The following ARCN1 variants were observed in gnomAD, a reference collection of about 807,000 sequenced individuals.
The protein encoded by ARCN1 is archain 1 coat protein complex I subunit delta.
Under a neutral mutation model 60.4 loss-of-function variants are expected in ARCN1, and 5 were observed. The observed-to-expected ratio is 0.08, with a 90% CI of 0.04 to 0.17. The LOEUF (loss-of-function observed/expected upper bound fraction) is 0.17, where lower values mean the gene tolerates loss of function less well. ARCN1 is among the 10% of genes least tolerant of loss of function. The pLI, the probability that ARCN1 is intolerant of heterozygous loss-of-function variation, is 1.00. For missense variants in ARCN1, 464 were observed against 626.5 expected (o/e 0.74, Z 2.77); for synonymous variants, 224 against 220.0 (o/e 1.02, Z -0.16).
At chr11:118,577,575 T>G (rs1275034424) in intron 1 of ARCN1, among the ~76,000 whole-genome samples, 1 of 152,186 alleles carries the variant, frequency 6.6e-6, no homozygotes, top group Non-Finnish European at 1.5e-5. Context: ...AAGTCATCCC[T>G]GACTGTACCA....
Position 118,600,741 on chromosome 11 carries a change from A to C in ARCN1, c.*27A>C. On this transcript the variant is annotated 3_prime_UTR_variant, in exon 10 of 10. Transcript: ENST00000264028. Reference sequence around the variant, plus strand: ...ACCAAGAAGAGGGAGCTGAAAAGGAAAATTTTCAGATTAATAAAGAAGACG... The same window carrying C: ...ACCAAGAAGAGGGAGCTGAAAAGGACAATTTTCAGATTAATAAAGAAGACG... The C allele has an allele frequency of 6.7e-7, 1 of 1,489,888 alleles. No individual in the cohort carries two copies. Among genetic ancestry groups the C allele is most frequent in the Non-Finnish European group, 9.2e-7 (1 of 1,084,496 alleles). The allele number at this position is 1,489,888 out of a possible 1,614,324, so 92.3% of individuals were successfully genotyped here.
At chr11:118,593,827 AG>A (rs1938966346) in intron 8 of ARCN1, 129 bp downstream of exon 8, 3 of 553,130 alleles carry the variant, frequency 5.4e-6, no homozygotes. Context: ...TAGTTGTGAA[AG>A]AAGCCAGATA....
At chr11:118,588,834 A>G (rs1490250732) in intron 5 of ARCN1, among the ~76,000 whole-genome samples, 2 of 152,218 alleles carry the variant, frequency 1.3e-5, no homozygotes, top group Non-Finnish European at 2.9e-5. Context: ...CCTGGCCAGC[A>G]TGGTAAAACT....
intron 5 of ARCN1, among the ~76,000 whole-genome samples, chr11:118,587,821 T>A (rs1338002285): frequency 3.3e-5 from 5 of 152,202 alleles, no homozygotes; most frequent in Non-Finnish European, 5.9e-5. Context: ...TGACCTCAAG[T>A]TTGGCCTCCC....
chr11:118,590,611 A>G (rs1591388568), intron 6 of ARCN1, 105 bp downstream of exon 6: 4 of 1,194,392 alleles, frequency 3.3e-6, no homozygotes, highest in East Asian at 4.8e-5. Flanking sequence ...CTTAAGTTAT[A>G]TAACTAGCAT....
At chr11:118,577,108 G>A (rs1938534141) in intron 1 of ARCN1, among the ~76,000 whole-genome samples, 1 of 152,126 alleles carries the variant, frequency 6.6e-6, no homozygotes, top group African/African-American at 2.4e-5. Context: ...AATCACCTGA[G>A]CCCAGAAGGT....
chr11:118,601,614 T>G lies in ARCN1; in HGVS notation c.*900T>G. ...CTATTCAGGTGAACTATTTGAGGGG[T>G]ATGGGGTCTAGAAGTTAAAAGATAC... On this transcript the variant is annotated 3_prime_UTR_variant, in exon 10 of 10. Transcript: ENST00000264028. 1.4e-6 allele frequency: 1 copy of G among 702,796 alleles called. No individual in the cohort carries two copies. Among genetic ancestry groups the G allele is most frequent in the South Asian group, 1.5e-5 (1 of 67,594 alleles). The allele number at this position is 702,796 out of a possible 1,614,324, so 43.5% of individuals were successfully genotyped here.
intron 8 of ARCN1, chr11:118,593,969 T>A: frequency 3.4e-6 from 1 of 297,248 alleles, no homozygotes; most frequent in Admixed American, 4.3e-5. Context: ...TTGGGAATGA[T>A]AGGAATGTTC....
rs781864494 is a variant in ARCN1, at chr11:118,583,346, A to T, written c.435A>T (p.Arg145Ser). The T allele has an allele frequency of 6.2e-7, 1 of 1,611,404 alleles. No homozygotes were observed. The highest frequency in any genetic ancestry group is 1.3e-5 in the African/African-American group (1 of 74,936). Reference sequence around the variant, plus strand: ...ATTCTCATGAGGAGAAGGTGTTCAGAGCCGTCAGAGAGGTAAATAGGATCT... The same window carrying T: ...ATTCTCATGAGGAGAAGGTGTTCAGTGCCGTCAGAGAGGTAAATAGGATCT... ...EMDSHEEKVF[R>S]AVRETQEREA... The change falls in exon 3 of 10, where the codon AGA (arginine) becomes AGT (serine). Residue 145 changes from arginine to serine, a missense_variant. Arg to Ser is a moderately radical substitution (Grantham distance 110). Around this residue, in one of 2 missense-constraint regions of ARCN1, gnomAD observed 105 missense variants for 186.3 expected, o/e 0.56. Coordinates refer to ENST00000264028, the MANE Select transcript of ARCN1 (RefSeq NM_001655.5).
intron 1 of ARCN1, among the ~76,000 whole-genome samples, chr11:118,576,228 C>G (rs1324268680): frequency 2.6e-5 from 4 of 151,302 alleles, no homozygotes; most frequent in African/African-American, 9.7e-5. Flanking sequence ...GTTATTTAGT[C>G]CAAAGATAGT....
chr11:118,577,976 C>A (rs981211106), intron 1 of ARCN1, among the ~76,000 whole-genome samples: 59 of 152,056 alleles, frequency 3.9e-4, no homozygotes, highest in African/African-American at 1.4e-3. Context: ...CCCAACATGG[C>A]AAAACCCTGT....
chr11:118,576,776 G>A (rs1442114965), intron 1 of ARCN1, among the ~76,000 whole-genome samples: 1 of 152,092 alleles, frequency 6.6e-6, no homozygotes, highest in African/African-American at 2.4e-5. Flanking sequence ...ACTTAGTATG[G>A]GGAACTATGG....
intron 9 of ARCN1, 125 bp downstream of exon 9, chr11:118,598,036 C>A: frequency 1.2e-6 from 1 of 826,658 alleles, no homozygotes; most frequent in Non-Finnish European, 1.9e-6. Flanking sequence ...ACTGATGTCT[C>A]CTACAGGAAT....
At chr11:118,578,164 A>AAAATAAATAAAT (rs10608266) in intron 1 of ARCN1, among the ~76,000 whole-genome samples, 5 of 141,542 alleles carry the variant, frequency 3.5e-5, no homozygotes, top group East Asian at 2.1e-4. Flanking sequence ...ACTCTCTCAA[A>AAAATAAATAAAT]AAATAAATAA....
intron 1 of ARCN1, 58 bp downstream of exon 1, chr11:118,572,608 T>G (rs1339557432): frequency 9.5e-6 from 15 of 1,581,538 alleles, no homozygotes; most frequent in Admixed American, 1.8e-5. Context: ...TCTCTCCTTG[T>G]CGGCGGGCCT....
intron 1 of ARCN1, among the ~76,000 whole-genome samples, chr11:118,575,074 G>C (rs1317380440): frequency 6.6e-6 from 1 of 152,134 alleles, no homozygotes; most frequent in Non-Finnish European, 1.5e-5. Flanking sequence ...TGCCTCCCGG[G>C]TTCAAGCTAT....
At chr11:118,577,036 A>C (rs1481189158) in intron 1 of ARCN1, among the ~76,000 whole-genome samples, 1 of 151,806 alleles carries the variant, frequency 6.6e-6, no homozygotes, top group African/African-American at 2.4e-5. Context: ...AAATACAAAA[A>C]ATTAGCCAGG....
intron 5 of ARCN1, among the ~76,000 whole-genome samples, chr11:118,587,354 T>C (rs901625068): frequency 2.0e-5 from 3 of 152,182 alleles, no homozygotes; most frequent in East Asian, 3.8e-4. Context: ...GATATACAGA[T>C]GAATAAAAAA....
Position 118,572,503 on chromosome 11 carries a change from C to G in ARCN1, c.-45C>G. 1 of 1,609,976 alleles carries G rather than the reference C, an allele frequency of 6.2e-7. No individual in the cohort carries two copies. The highest frequency in any genetic ancestry group is 8.5e-7 in the Non-Finnish European group (1 of 1,178,256). On this transcript the variant is annotated 5_prime_UTR_variant, in exon 1 of 10. Coordinates refer to ENST00000264028, the MANE Select transcript of ARCN1 (RefSeq NM_001655.5). ...CCGTTCCCCAGACCCTACCCCTATC[C>G]CCAGTGGAGCCGGAGTGCGGGCGCG...
Sources: allele counts gnomAD v4.1 joint callset (sites outside exome capture counted in the v4.1 genomes callset), GRCh38; gene constraint gnomAD v4.1.1; regional missense constraint gnomAD v4.1.1; transcripts MANE v1.5; gene names NCBI Gene and HGNC (gene_info 2026-07-23, HGNC 2026-07-21).